TMC2: variants seen among roughly 807,000 people sequenced by gnomAD.
TMC2 encodes the protein transmembrane channel like 2.
TMC2 carries 102 observed loss-of-function variants against 105.9 expected under a neutral mutation model. The ratio of observed to expected loss-of-function variants is 0.96; its 90% CI spans 0.82 to 1.14. The LOEUF is 1.14. TMC2 is among the 50% of genes most tolerant of loss of function. The pLI, the probability that TMC2 is intolerant of heterozygous loss-of-function variation, is 0.00. For synonymous variants in TMC2, 402 were observed against 422.8 expected, an observed-to-expected ratio of 0.95 and a Z score of 0.60; for missense variants, 1,093 against 1,134.3, an observed-to-expected ratio of 0.96 and a Z score of 0.52.
At chr20:2,613,505 G>T (rs2086458881) in intron 14 of TMC2, 183 bp downstream of exon 14, 3 of 806,502 alleles carry the variant, frequency 3.7e-6, no homozygotes, top group Non-Finnish European at 3.9e-6. Context: ...CTTCATAAGG[G>T]AAACTGCTTT....
intron 17 of TMC2, among the ~76,000 whole-genome samples, chr20:2,625,596 C>A (rs955807305): frequency 7.9e-5 from 12 of 152,330 alleles, no homozygotes; most frequent in African/African-American, 2.9e-4. Context: ...TTTGAAGGCT[C>A]TACTATGTTC....
At chr20:2,549,103 G>A (rs1479427883) in intron 2 of TMC2, among the ~76,000 whole-genome samples, 1 of 152,134 alleles carries the variant, frequency 6.6e-6, no homozygotes, top group Non-Finnish European at 1.5e-5. Flanking sequence ...TAGAAACAGG[G>A]TCTTGCTCTG....
chr20:2,576,994 C>T (rs927170439), intron 5 of TMC2, among the ~76,000 whole-genome samples: 3 of 150,810 alleles, frequency 2.0e-5, no homozygotes, highest in African/African-American at 7.3e-5. Context: ...CTGCAACCTC[C>T]GCCTCCTGGG....
chr20:2,559,905 G>A (rs1182342848), intron 3 of TMC2, among the ~76,000 whole-genome samples: 2 of 152,168 alleles, frequency 1.3e-5, no homozygotes, highest in Non-Finnish European at 2.9e-5. Context: ...ATGGGCCACA[G>A]ACTCATTTAT....
intron 5 of TMC2, among the ~76,000 whole-genome samples, chr20:2,574,029 TAATGAG>T (rs1213234814): frequency 1.3e-5 from 2 of 152,222 alleles, no homozygotes; most frequent in Admixed American, 6.5e-5. Context: ...TGCATCACTT[TAATGAG>T]AATGACTCTA....
intron 5 of TMC2, among the ~76,000 whole-genome samples, chr20:2,576,347 T>C (rs1221633692): frequency 5.3e-5 from 8 of 152,114 alleles, no homozygotes; most frequent in African/African-American, 1.9e-4. Context: ...GATAAGAGAA[T>C]CCATGCCAGA....
At position 2,592,382 on chromosome 20, in the gene TMC2, G is replaced by T. The variant is rs775597370; in HGVS notation, c.907G>T (p.Asp303Tyr). ...TCGGGCTGAGGAAGAAAAGGCCATG[G>T]ATTTTTCTGTCCTTTGGGATTTTGA... ...VPRAEEEKAM[D>Y]FSVLWDFEGY... is the part of the protein sequence containing the mutation. Residue 303 changes from aspartate (D) to tyrosine (Y), a missense_variant, in exon 8 of 20, where the codon GAT (aspartate) becomes TAT (tyrosine). Asp to Tyr is a radical substitution (Grantham distance 160). Coordinates refer to ENST00000358864, the MANE Select transcript of TMC2 (RefSeq NM_080751.3). The surrounding 1 kb of genome is among the most constrained non-coding windows in gnomAD (Gnocchi z 4.9). The T allele has an allele frequency of 6.2e-6, 10 of 1,613,916 alleles. No homozygotes were observed. The highest frequency in any genetic ancestry group is 8.5e-6 in the Non-Finnish European group (10 of 1,179,818).
In TMC2 at chr20:2,633,767, G is replaced by GGGTAGGT. The variant is rs1353221093; in HGVS notation, c.2307-2158_2307-2157insGTAGGTG. ...CAAACCTACTACAGAACTGGGTAGGGGAGGGGATATAAGGCAACTTAGATG... is the reference window on the plus strand; with the variant it reads ...CAAACCTACTACAGAACTGGGTAGGGGGTAGGTGAGGGGATATAAGGCAACTTAGATG... On this transcript the variant is annotated intron_variant, in intron 17 of 19. Transcript: ENST00000358864. Among the ~76,000 whole-genome samples the GGGTAGGT allele has an allele frequency of 5.2e-3, 785 of 152,104 alleles. 1 individual carries two copies. Among genetic ancestry groups the GGGTAGGT allele is most frequent in the Admixed American group, 8.1e-3 (123 of 15,258 alleles).
chr20:2,628,325 C>T (rs983360247), intron 17 of TMC2, among the ~76,000 whole-genome samples: 3 of 151,840 alleles, frequency 2.0e-5, no homozygotes, highest in South Asian at 2.1e-4. Flanking sequence ...AAATGTATTC[C>T]TCTGCATTTC....
At chr20:2,602,728 C>A (rs1218135239) in intron 11 of TMC2, among the ~76,000 whole-genome samples, 3 of 152,202 alleles carry the variant, frequency 2.0e-5, no homozygotes, top group African/African-American at 7.2e-5. Flanking sequence ...TCTGATAGAG[C>A]GAGTTTTCTC....
chr20:2,613,439 T>TACAGAGCAGAGACC, intron 14 of TMC2, 117 bp downstream of exon 14: 1 of 1,450,354 alleles, frequency 6.9e-7, no homozygotes, highest in South Asian at 1.2e-5. Context: ...TGACGGTCTC[T>TACAGAGCAGAGACC]GCTCTGTAGA....
chr20:2,605,000 CT>C (rs1254046906), intron 11 of TMC2, among the ~76,000 whole-genome samples: 3 of 152,194 alleles, frequency 2.0e-5, no homozygotes, highest in African/African-American at 7.2e-5. Flanking sequence ...AGAATCTCTG[CT>C]TTATAGCCAA....
Position 2,558,014 on chromosome 20 carries a change from A to G in TMC2, c.83-442A>G, listed in dbSNP as rs1427874646. Reference sequence around the variant, plus strand: ...TTAGGGAACACAAGAGCCTTCAGAAACGAAGACCCAAATATACAGGGAAAA... The same window carrying G: ...TTAGGGAACACAAGAGCCTTCAGAAGCGAAGACCCAAATATACAGGGAAAA... On this transcript the variant is annotated intron_variant, in intron 2 of 19. Transcript: ENST00000358864. The surrounding 1 kb of genome is among the most constrained non-coding windows in gnomAD (Gnocchi z 4.6). 6.6e-6 allele frequency among the ~76,000 whole-genome samples: 1 copy of G among 152,252 alleles called. No homozygotes were observed. The highest frequency in any genetic ancestry group is 1.9e-4 in the East Asian group (1 of 5,198).
At chr20:2,582,922 G>A (rs569491009) in intron 7 of TMC2, among the ~76,000 whole-genome samples, 2 of 152,356 alleles carry the variant, frequency 1.3e-5, no homozygotes, top group African/African-American at 4.8e-5. Context: ...AACCCAGGAT[G>A]TCTACGTGAT....
chr20:2,640,447 T>C (rs1010802413), intron 19 of TMC2, among the ~76,000 whole-genome samples: 2 of 152,168 alleles, frequency 1.3e-5, no homozygotes, highest in African/African-American at 4.8e-5. Flanking sequence ...TAAAAGTTCA[T>C]TTCTCACTCA....
At position 2,561,961 on chromosome 20, in the gene TMC2, A is replaced by C. The variant is rs140743358; in HGVS notation, c.505A>C (p.Thr169Pro). The change falls in exon 4 of 20, where the codon ACC becomes CCC. Residue 169 changes from threonine to proline, a missense_variant. By Grantham distance (38) the Thr-to-Pro change is conservative. Transcript: ENST00000358864. ...QVEEKKKLIA[T>P]MRSKPWPMAK... ...GGAAGAAAAAAAGAAGCTCATTGCC[A>C]CCATGCGGAGCAAGCCCTGGCCCAT... 316 of 1,614,092 alleles carry C rather than the reference A, an allele frequency of 2.0e-4. No homozygotes were observed. The highest frequency in any genetic ancestry group is 2.5e-4 in the Non-Finnish European group (291 of 1,180,010).
chr20:2,579,332 G>T (rs1448986847), intron 6 of TMC2, 105 bp downstream of exon 6: 1 of 517,318 alleles, frequency 1.9e-6, no homozygotes, highest in African/African-American at 2.0e-5. Context: ...CATTGGTTCT[G>T]TTGTATTAGG....
chr20:2,576,657 A>G (rs73585320), intron 5 of TMC2, among the ~76,000 whole-genome samples: 17,645 of 152,212 alleles, frequency 0.12, 1,225 homozygotes, highest in African/African-American at 0.18. Flanking sequence ...ATTAACTTAC[A>G]AGAAGAAATA....
chr20:2,636,492 A>ACACACACACACACACG (rs1252208519), intron 18 of TMC2, among the ~76,000 whole-genome samples: 2 of 148,086 alleles, frequency 1.4e-5, no homozygotes, highest in Non-Finnish European at 3.0e-5. Flanking sequence ...ACACACACAC[A>ACACACACACACACACG]CGCACACACC....
Sources: gnomAD v4.1 joint callset for allele counts (sites outside exome capture counted in the v4.1 genomes callset) on GRCh38, gnomAD v4.1.1 for gene constraint, Gnocchi (gnomAD v3.1) non-coding constraint, MANE v1.5 for transcripts, NCBI Gene and HGNC (gene_info 2026-07-23, HGNC 2026-07-21) for gene names.